UNC80: variants seen among roughly 807,000 people sequenced by gnomAD.
UNC80 encodes unc-80 subunit of NALCN channel complex.
A neutral mutation model predicts 384.6 loss-of-function variants in UNC80; 164 were observed. The ratio of observed to expected loss-of-function variants is 0.43; its 90% CI spans 0.38 to 0.49. The LOEUF (loss-of-function observed/expected upper bound fraction) is 0.49, where lower values mean the gene tolerates loss of function less well. Among genes scored for constraint, UNC80 ranks in the 20% least tolerant of loss-of-function variants. The pLI is 0.00. For missense variants in UNC80, 3,330 were observed against 4,143.0 expected (o/e 0.80, Z 5.39); for synonymous variants, 1,486 against 1,527.8 (o/e 0.97, Z 0.64).
chr2:209,844,266 A>G (rs190251626), intron 21 of UNC80, among the ~76,000 whole-genome samples: 73 of 152,296 alleles, frequency 4.8e-4, no homozygotes, highest in South Asian at 1.9e-3. Flanking sequence ...TGGAGCTGCA[A>G]TCACATCTTT....
At chr2:209,918,457 T>G in intron 32 of UNC80, 75 bp from the exon 33 acceptor site, 1 of 1,446,572 alleles carries the variant, frequency 6.9e-7, no homozygotes. Flanking sequence ...TGAGACAGAT[T>G]GTGTCATCAT....
chr2:209,888,406 T>G lies in UNC80; in HGVS notation c.4276+146T>G, dbSNP rs1265876339. ...GTGTAGGCTTTATGATGGAAAATCA[T>G]GCTTGTTAGAAGTTGGTCTCTGCAG... On this transcript the variant is annotated intron_variant, in intron 26 of 64. Transcript: ENST00000673920. 9 of 939,058 alleles carry G rather than the reference T, an allele frequency of 9.6e-6. No homozygotes were observed. The Admixed American group carries it at 2.3e-4, about 24-fold the overall frequency. 58.2% of individuals were successfully genotyped at this position (939,058 alleles called of 1,614,324 possible). A position where few individuals can be genotyped will look rare whatever the true frequency, so the allele number is the denominator to read the frequency against.
chr2:209,871,490 G>T (rs2084290477), intron 22 of UNC80, among the ~76,000 whole-genome samples: 1 of 152,038 alleles, frequency 6.6e-6, no homozygotes, highest in Non-Finnish European at 1.5e-5. Context: ...TAACTTTATG[G>T]ATTGATACAT....
intron 48 of UNC80, among the ~76,000 whole-genome samples, chr2:209,955,435 C>T (rs954918589): frequency 1.3e-5 from 2 of 150,662 alleles, no homozygotes; most frequent in Admixed American, 1.3e-4. Flanking sequence ...GACTATCATC[C>T]TGAAATGTTC....
rs1224571162 is a variant in UNC80, at chr2:209,921,649, G to A, written c.5493G>A (p.Glu1831=). The change falls in exon 34 of 65, where the codon GAG becomes GAA. Residue 1831 remains glutamate (E), a synonymous_variant. Coordinates refer to ENST00000673920, the MANE Select transcript of UNC80 (RefSeq NM_001371986.1). ...CCATCACCCAGGAGGCTTGCTATGA[G>A]CCCACATGCACGCCCAACTCAGAAC... ...AIPITQEACY[E]PTCTPNSEPE... 4 of 1,551,434 alleles carry A rather than the reference G, an allele frequency of 2.6e-6. No individual in the cohort carries two copies.
intron 29 of UNC80, among the ~76,000 whole-genome samples, chr2:209,908,780 AT>A (rs2088572895): frequency 6.6e-6 from 1 of 152,194 alleles, no homozygotes; most frequent in African/African-American, 2.4e-5. Flanking sequence ...CTGGATCTTA[AT>A]TTCATGGGCC....
chr2:209,915,024 C>T (rs1276572118), intron 31 of UNC80, among the ~76,000 whole-genome samples: 2 of 151,976 alleles, frequency 1.3e-5, no homozygotes, highest in East Asian at 3.9e-4. Context: ...TCAGAGAGCG[C>T]TGTAGGAGTT....
At chr2:209,776,117 T>G in intron 3 of UNC80, 72 bp downstream of exon 3, 1 of 1,565,494 alleles carries the variant, frequency 6.4e-7, no homozygotes, top group Non-Finnish European at 8.7e-7. Context: ...TAATAACCTG[T>G]ACTGAGTAGT....
rs1164978961 is a variant in UNC80 at position 209,881,033 on chromosome 2, T to G, written c.4049T>G (p.Ile1350Ser). 1 of 1,551,882 alleles carries G rather than the reference T, an allele frequency of 6.4e-7. No individual in the cohort carries two copies. ...GCAGCATGTCAGCTTCTTCTGGAGATTACCACCTTCCTGCGAGAGACCTTT... is the reference window on the plus strand; with the variant it reads ...GCAGCATGTCAGCTTCTTCTGGAGAGTACCACCTTCCTGCGAGAGACCTTT... ...KMAACQLLLE[I>S]TTFLRETFSC... Residue 1350 changes from isoleucine (I) to serine (S), a missense_variant, in exon 25 of 65, where the codon ATT becomes AGT. Ile to Ser is a moderately radical substitution (Grantham distance 142, BLOSUM62 -2). Around this residue, in one of 8 missense-constraint regions of UNC80, gnomAD observed 801 missense variants for 950.8 expected, o/e 0.84. Transcript: ENST00000673920.
chr2:209,943,024 T>C (rs2091726963), intron 44 of UNC80, among the ~76,000 whole-genome samples: 1 of 152,220 alleles, frequency 6.6e-6, no homozygotes, highest in East Asian at 1.9e-4. Flanking sequence ...GTATATACCA[T>C]AATTCACTTA....
intron 23 of UNC80, 46 bp downstream of exon 23, chr2:209,873,016 A>G: frequency 4.0e-6 from 6 of 1,498,148 alleles, no homozygotes; most frequent in Non-Finnish European, 5.5e-6. Flanking sequence ...GCTTAAGTGA[A>G]GTGGAGTCAT....
At chr2:209,906,311 A>T (rs995587409) in intron 29 of UNC80, among the ~76,000 whole-genome samples, 1 of 152,208 alleles carries the variant, frequency 6.6e-6, no homozygotes, top group East Asian at 1.9e-4. Flanking sequence ...TTTTAATAAT[A>T]CAAAATATTC....
intron 36 of UNC80, among the ~76,000 whole-genome samples, chr2:209,929,310 G>T (rs1443331715): frequency 6.6e-6 from 1 of 152,042 alleles, no homozygotes; most frequent in Non-Finnish European, 1.5e-5. Context: ...CACAGAAATA[G>T]CACTTTCTTT....
At chr2:209,929,367 G>A (rs1028722767) in intron 36 of UNC80, among the ~76,000 whole-genome samples, 1 of 152,144 alleles carries the variant, frequency 6.6e-6, no homozygotes, top group Non-Finnish European at 1.5e-5. Flanking sequence ...CGTTAGAAGT[G>A]AGAACCTAAT....
At chr2:209,810,928 A>G (rs927012193) in intron 7 of UNC80, among the ~76,000 whole-genome samples, 2 of 151,908 alleles carry the variant, frequency 1.3e-5, no homozygotes, top group Non-Finnish European at 2.9e-5. Context: ...TTATAAATCC[A>G]AGATTACAGC....
chr2:209,962,305 A>G (rs2092618217), intron 51 of UNC80, among the ~76,000 whole-genome samples: 1 of 152,212 alleles, frequency 6.6e-6, no homozygotes, highest in Non-Finnish European at 1.5e-5. Flanking sequence ...TAGCCTTGGA[A>G]AAGAATGAGA....
chr2:209,884,104 T>G (rs1453326555), intron 25 of UNC80, among the ~76,000 whole-genome samples: 2 of 152,216 alleles, frequency 1.3e-5, no homozygotes, highest in Non-Finnish European at 2.9e-5. Context: ...GCAGCATTTT[T>G]ATAAGATTTA....
chr2:209,995,582 A>G lies in UNC80; in HGVS notation c.9962A>G (p.Glu3321Gly). 1.3e-6 allele frequency: 2 copies of G among 1,552,018 alleles called. No homozygotes were observed. Among genetic ancestry groups the G allele is most frequent in the Non-Finnish European group, 1.7e-6 (2 of 1,147,052 alleles). ...GGGAAAACGGATGCAGTATTAGATG[A>G]GTCTCATGTTTAATTCTGTATCTTG... ...ELGKTDAVLD[E>G]SHV Residue 3321 changes from glutamate to glycine, a missense_variant, in exon 65 of 65, where the codon GAG (glutamate) becomes GGG (glycine). Around this residue, in one of 8 missense-constraint regions of UNC80, gnomAD observed 236 missense variants for 254.9 expected, o/e 0.93. Coordinates refer to ENST00000673920, the MANE Select transcript of UNC80 (RefSeq NM_001371986.1).
intron 47 of UNC80, among the ~76,000 whole-genome samples, chr2:209,952,050 AAT>A (rs1340835248): frequency 6.6e-6 from 1 of 152,160 alleles, no homozygotes; most frequent in Non-Finnish European, 1.5e-5. Flanking sequence ...CCACTTTTTT[AAT>A]AGATTTCAGA....
Sources: gnomAD v4.1 joint callset for allele counts (sites outside exome capture counted in the v4.1 genomes callset) on GRCh38, gnomAD v4.1.1 for gene constraint, gnomAD v4.1.1 regional missense constraint, MANE v1.5 for transcripts, NCBI Gene and HGNC (gene_info 2026-07-23, HGNC 2026-07-21) for gene names.